The following OR51A4 variants were observed in gnomAD, a reference collection of about 807,000 sequenced individuals.
OR51A4 encodes olfactory receptor 51A4.
For missense variants in OR51A4, 243 were observed against 364.0 expected (o/e 0.67, Z 2.70); for synonymous variants, 96 against 141.5 (o/e 0.68, Z 2.28).
Position 4,943,741 on chromosome 11 carries a change from A to C in OR51A4, c.*2418T>G. On this transcript the variant is annotated 3_prime_UTR_variant, in exon 2 of 2. Coordinates refer to ENST00000641898, the MANE Select transcript of OR51A4 (RefSeq NM_001005329.2). ...AGAGTTGAGATTTTAATCCTCCAAA[A>C]ACTACATTCTTCATTTCAGAAATAT... 1 of 361,954 alleles carries C rather than the reference A, an allele frequency of 2.8e-6. No homozygotes were observed. Among genetic ancestry groups the C allele is most frequent in the Non-Finnish European group, 5.5e-6 (1 of 182,974 alleles). 22.4% of individuals were successfully genotyped at this position (361,954 alleles called of 1,614,324 possible). A position where few individuals can be genotyped will look rare whatever the true frequency, so the allele number is the denominator to read the frequency against.
rs1846278105 is a variant in OR51A4, at chr11:4,945,313, A to G, written c.*846T>C. ...TTTTAACAAAAGAGATCTGATGTGA[A>G]AACTCAAGAAAGCAAAGAGCTCTGT... On this transcript the variant is annotated 3_prime_UTR_variant, in exon 2 of 2. Transcript: ENST00000641898. 6.6e-6 allele frequency: 1 copy of G among 152,190 alleles called. No homozygotes were observed. The highest frequency in any genetic ancestry group is 1.5e-5 in the Non-Finnish European group (1 of 68,028). The allele number at this position is 152,190 out of a possible 1,614,324, so 9.4% of individuals were successfully genotyped here.
Position 4,946,162 on chromosome 11 carries a change from A to C in OR51A4, c.939T>G (p.Ile313Met). 1 of 1,613,586 alleles carries C rather than the reference A, an allele frequency of 6.2e-7. No homozygotes were observed. The highest frequency in any genetic ancestry group is 8.5e-7 in the Non-Finnish European group (1 of 1,179,678). Residue 313 changes from isoleucine to methionine, a missense_variant, in exon 2 of 2, where the codon ATT becomes ATG. Coordinates refer to ENST00000641898, the MANE Select transcript of OR51A4 (RefSeq NM_001005329.2). ...GGTTTTCTGTCACATATGACTGTTA[A>C]ATCTTCCGTTGACACAATTTTGCTA... ...RVVAKLCQRK[I>M]
In OR51A4 at chr11:4,945,024, A is replaced by T. The variant is rs1449203283; in HGVS notation, c.*1135T>A. ...ATAAGAAAATAGATAGGTCTCTTCA[A>T]TCACTTATAGTACACTTTATTCAAG... On this transcript the variant is annotated 3_prime_UTR_variant, in exon 2 of 2. Coordinates refer to ENST00000641898, the MANE Select transcript of OR51A4 (RefSeq NM_001005329.2). 1.3e-5 allele frequency: 2 copies of T among 152,268 alleles called. No homozygotes were observed. Among genetic ancestry groups the T allele is most frequent in the Middle Eastern group, 3.4e-3 (1 of 294 alleles). 9.4% of individuals were successfully genotyped at this position (152,268 alleles called of 1,614,324 possible). A position where few individuals can be genotyped will look rare whatever the true frequency, so the allele number is the denominator to read the frequency against.
rs183809467 is a variant in OR51A4 at position 4,944,184 on chromosome 11, G to A, written c.*1975C>T. Reference sequence around the variant, plus strand: ...CAGTTCTTGCCCTGATCTGATGATAGGATTTTCTACACTAGGATAGGTTTG... The same window carrying A: ...CAGTTCTTGCCCTGATCTGATGATAAGATTTTCTACACTAGGATAGGTTTG... On this transcript the variant is annotated 3_prime_UTR_variant, in exon 2 of 2. Transcript: ENST00000641898. 1.0e-4 allele frequency: 43 copies of A among 423,604 alleles called. No homozygotes were observed. The highest frequency in any genetic ancestry group is 8.7e-4 in the African/African-American group (42 of 48,086). The allele number at this position is 423,604 out of a possible 1,614,324, so 26.2% of individuals were successfully genotyped here. A position where few individuals can be genotyped will look rare whatever the true frequency, so the allele number is the denominator to read the frequency against.
rs997897378 is a variant in OR51A4 at position 4,943,603 on chromosome 11, A to G, written c.*2556T>C. 3.5e-5 allele frequency: 14 copies of G among 395,770 alleles called. No homozygotes were observed. The highest frequency in any genetic ancestry group is 1.7e-4 in the African/African-American group (8 of 48,116). 24.5% of individuals were successfully genotyped at this position (395,770 alleles called of 1,614,324 possible). On this transcript the variant is annotated 3_prime_UTR_variant, in exon 2 of 2. Coordinates refer to ENST00000641898, the MANE Select transcript of OR51A4 (RefSeq NM_001005329.2). ...CTCCGGCCTCTAATCAGTGGAAGTC[A>G]GTGACACACCCACACCCCCAGGTTG...
chr11:4,947,177 G>T lies in OR51A4; in HGVS notation c.-62-15C>A. 4 of 1,013,608 alleles carry T rather than the reference G, an allele frequency of 3.9e-6. No homozygotes were observed. Among genetic ancestry groups the T allele is most frequent in the African/African-American group, 1.7e-5 (1 of 60,028 alleles). 62.8% of individuals were successfully genotyped at this position (1,013,608 alleles called of 1,614,324 possible). On this transcript the variant is annotated splice_polypyrimidine_tract_variant and intron_variant, in intron 1 of 1. Coordinates refer to ENST00000641898, the MANE Select transcript of OR51A4 (RefSeq NM_001005329.2). ...AATAGGAATATCTGTAAATTTAGTA[G>T]AAAAAAAGCAGTGTTAAAATTTGTG...
In OR51A4 at chr11:4,945,919, G is replaced by A; in HGVS notation, c.*240C>T. On this transcript the variant is annotated 3_prime_UTR_variant, in exon 2 of 2. Coordinates refer to ENST00000641898, the MANE Select transcript of OR51A4 (RefSeq NM_001005329.2). ...CTGTCTTGGTTGTAATTTGTTGCTT[G>A]TATCGGAGATGCTATCATAAGACAT... 3.9e-6 allele frequency: 2 copies of A among 507,904 alleles called. No individual in the cohort carries two copies. The allele number at this position is 507,904 out of a possible 1,614,324, so 31.5% of individuals were successfully genotyped here. A position where few individuals can be genotyped will look rare whatever the true frequency, so the allele number is the denominator to read the frequency against.
intron 1 of OR51A4, among the ~76,000 whole-genome samples, 168 bp downstream of exon 1, chr11:4,947,377 A>T (rs1471538848): frequency 8.0e-6 from 1 of 125,244 alleles, no homozygotes; most frequent in Non-Finnish European, 1.8e-5. Context: ...TTAGTTACGC[A>T]TCTGATTTCA....
Position 4,946,285 on chromosome 11 carries a change from G to C in OR51A4, c.816C>G (p.Leu272=). The C allele has an allele frequency of 1.9e-6, 3 of 1,613,976 alleles. No individual in the cohort carries two copies. Among genetic ancestry groups the C allele is most frequent in the Non-Finnish European group, 2.5e-6 (3 of 1,180,004 alleles). ...VHRFARHVSP[L]INVLMANVLL... is the part of the protein sequence containing the mutation. ...GAACATTTGCCATGAGAACATTAATGAGGGGAGAGACATGCCGGGCAAAGC... is the reference window on the plus strand; with the variant it reads ...GAACATTTGCCATGAGAACATTAATCAGGGGAGAGACATGCCGGGCAAAGC... The change falls in exon 2 of 2, where the codon CTC becomes CTG. Residue 272 remains leucine (L), a synonymous_variant. Coordinates refer to ENST00000641898, the MANE Select transcript of OR51A4 (RefSeq NM_001005329.2).
rs1407060022 is a variant in OR51A4 at position 4,945,403 on chromosome 11, T to G, written c.*756A>C. 1 of 152,172 alleles carries G rather than the reference T, an allele frequency of 6.6e-6. No homozygotes were observed. The highest frequency in any genetic ancestry group is 1.9e-4 in the East Asian group (1 of 5,196). The allele number at this position is 152,172 out of a possible 1,614,324, so 9.4% of individuals were successfully genotyped here. Reference sequence around the variant, plus strand: ...TTAATGAGTATCTGACGACGTTGAGTAAGTAGAAAGGGTCCAGGCCATGTA... The same window carrying G: ...TTAATGAGTATCTGACGACGTTGAGGAAGTAGAAAGGGTCCAGGCCATGTA... On this transcript the variant is annotated 3_prime_UTR_variant, in exon 2 of 2. Transcript: ENST00000641898.
At position 4,943,823 on chromosome 11, in the gene OR51A4, C is replaced by T; in HGVS notation, c.*2336G>A. Reference sequence around the variant, plus strand: ...ACCTCCCCCATTGAGATTTATGTATCTTTATTTTATTTTTCATTTCATTTT... The same window carrying T: ...ACCTCCCCCATTGAGATTTATGTATTTTTATTTTATTTTTCATTTCATTTT... On this transcript the variant is annotated 3_prime_UTR_variant, in exon 2 of 2. Transcript: ENST00000641898. The T allele has an allele frequency of 2.3e-6, 1 of 442,790 alleles. No homozygotes were observed. The highest frequency in any genetic ancestry group is 4.5e-6 in the Non-Finnish European group (1 of 222,082). 27.4% of individuals were successfully genotyped at this position (442,790 alleles called of 1,614,324 possible). A position where few individuals can be genotyped will look rare whatever the true frequency, so the allele number is the denominator to read the frequency against.
Position 4,945,157 on chromosome 11 carries a change from A to C in OR51A4, c.*1002T>G, listed in dbSNP as rs1245500714. 4 of 152,176 alleles carry C rather than the reference A, an allele frequency of 2.6e-5. No homozygotes were observed. Among genetic ancestry groups the C allele is most frequent in the Non-Finnish European group, 4.4e-5 (3 of 68,020 alleles). The allele number at this position is 152,176 out of a possible 1,614,324, so 9.4% of individuals were successfully genotyped here. Reference sequence around the variant, plus strand: ...AATGAAAGAGACAAAAGATGAAAGAATAAACCCGCAATGGAAGAGATAAAA... The same window carrying C: ...AATGAAAGAGACAAAAGATGAAAGACTAAACCCGCAATGGAAGAGATAAAA... On this transcript the variant is annotated 3_prime_UTR_variant, in exon 2 of 2. Transcript: ENST00000641898.
rs753654817 is a variant in OR51A4, at chr11:4,946,411, T to C, written c.690A>G (p.Ala230=). Residue 230 remains alanine, a synonymous_variant, in exon 2 of 2, where the codon GCA becomes GCG. Coordinates refer to ENST00000641898, the MANE Select transcript of OR51A4 (RefSeq NM_001005329.2). The part of the protein sequence containing the change: ...TLILKTVLGI[A]SKKEQLKALN... ...GAGCCTTAAGCTGCTCCTTTTTGGA[T>C]GCAATTCCCAGTACAGTCTTGAGGA... The C allele has an allele frequency of 2.5e-6, 4 of 1,611,734 alleles. No individual in the cohort carries two copies. The highest frequency in any genetic ancestry group is 3.4e-6 in the Non-Finnish European group (4 of 1,178,376).
chr11:4,946,859 G>C lies in OR51A4; in HGVS notation c.242C>G (p.Pro81Arg). The C allele has an allele frequency of 1.3e-6, 2 of 1,595,066 alleles. No individual in the cohort carries two copies. Among genetic ancestry groups the C allele is most frequent in the Non-Finnish European group, 1.7e-6 (2 of 1,166,144 alleles). ...GAACAGGAAGATGCTTAACACAGTG[G>C]GCAGAGATGATAAAGACAAACCCAA... The part of the protein sequence containing the change: ...SDLGLSLSSL[P>R]TVLSIFLFNA... Residue 81 changes from proline to arginine, a missense_variant, in exon 2 of 2, where the codon CCC becomes CGC. Coordinates refer to ENST00000641898, the MANE Select transcript of OR51A4 (RefSeq NM_001005329.2).
rs891311496 is a variant in OR51A4 at position 4,943,636 on chromosome 11, C to T, written c.*2523G>A. 2.5e-5 allele frequency: 9 copies of T among 367,318 alleles called. No homozygotes were observed. Among genetic ancestry groups the T allele is most frequent in the African/African-American group, 4.2e-5 (2 of 47,158 alleles). 22.8% of individuals were successfully genotyped at this position (367,318 alleles called of 1,614,324 possible). On this transcript the variant is annotated 3_prime_UTR_variant, in exon 2 of 2. Coordinates refer to ENST00000641898, the MANE Select transcript of OR51A4 (RefSeq NM_001005329.2). ...ACCCACACCCCCAGGTTGCAACAAC[C>T]GAAGATGTCCCCAGACATTGCCAAA...
At position 4,943,455 on chromosome 11, in the gene OR51A4, T is replaced by C. The variant is rs765909495; in HGVS notation, c.*2704A>G. Reference sequence around the variant, plus strand: ...TTTGTTTAACCATGGGGCTTAATCATTTGTTATTTGATAGTTACATTTAGA... The same window carrying C: ...TTTGTTTAACCATGGGGCTTAATCACTTGTTATTTGATAGTTACATTTAGA... On this transcript the variant is annotated 3_prime_UTR_variant, in exon 2 of 2. Transcript: ENST00000641898. The C allele has an allele frequency of 2.2e-6, 1 of 456,206 alleles. No homozygotes were observed. The highest frequency in any genetic ancestry group is 1.5e-5 in the South Asian group (1 of 64,532). The allele number at this position is 456,206 out of a possible 1,614,324, so 28.3% of individuals were successfully genotyped here.
Position 4,944,758 on chromosome 11 carries a change from T to G in OR51A4, c.*1401A>C, listed in dbSNP as rs1846268609. 6.6e-6 allele frequency: 1 copy of G among 152,072 alleles called. No homozygotes were observed. The allele number at this position is 152,072 out of a possible 1,614,324, so 9.4% of individuals were successfully genotyped here. On this transcript the variant is annotated 3_prime_UTR_variant, in exon 2 of 2. Transcript: ENST00000641898. ...TCAGCCACAAATCCAAGGCAATAAA[T>G]TTGTCTTTAACATCATATCTTTTTT...
rs375865632 is a variant in OR51A4, at chr11:4,946,838, A to C, written c.263T>G (p.Leu88Arg). 6.3e-7 allele frequency: 1 copy of C among 1,588,668 alleles called. No homozygotes were observed. Among genetic ancestry groups the C allele is most frequent in the African/African-American group, 1.4e-5 (1 of 72,474 alleles). ...SSLPTVLSIF[L>R]FNAPEISSNA... ...GGATGAAATTTCAGGAGCATTGAACAGGAAGATGCTTAACACAGTGGGCAG... is the reference window on the plus strand; with the variant it reads ...GGATGAAATTTCAGGAGCATTGAACCGGAAGATGCTTAACACAGTGGGCAG... Residue 88 changes from leucine (L) to arginine (R), a missense_variant, in exon 2 of 2, where the codon CTG (leucine) becomes CGG (arginine). Transcript: ENST00000641898.
rs766889828 is a variant in OR51A4 at position 4,946,265 on chromosome 11, T to G, written c.836A>C (p.Asn279Thr). 2 of 1,613,912 alleles carry G rather than the reference T, an allele frequency of 1.2e-6. No individual in the cohort carries two copies. Among genetic ancestry groups the G allele is most frequent in the Non-Finnish European group, 1.7e-6 (2 of 1,179,986 alleles). Residue 279 changes from asparagine (N) to threonine (T), a missense_variant, in exon 2 of 2, where the codon AAT becomes ACT. Physicochemically the swap from Asn to Thr is moderately conservative, Grantham distance 65 (BLOSUM62 0). Transcript: ENST00000641898. ...VSPLINVLMA[N>T]VLLLVPPLTN... Reference sequence around the variant, plus strand: ...CAGTGGAGGTACAAGTAGGAGAACATTTGCCATGAGAACATTAATGAGGGG... The same window carrying G: ...CAGTGGAGGTACAAGTAGGAGAACAGTTGCCATGAGAACATTAATGAGGGG...
Sources: gnomAD v4.1 joint callset for allele counts (sites outside exome capture counted in the v4.1 genomes callset) on GRCh38, gnomAD v4.1.1 for gene constraint, MANE v1.5 for transcripts, NCBI Gene and HGNC (gene_info 2026-07-23, HGNC 2026-07-21) for gene names.